The following INSYN2B variants were observed in gnomAD, a reference collection of about 807,000 sequenced individuals.
The protein encoded by INSYN2B is protein INSYN2B.
Under a neutral mutation model 41.2 loss-of-function variants are expected in INSYN2B, and 16 were observed. That is an observed-to-expected ratio of 0.39 (90% CI 0.26 to 0.59). The LOEUF is 0.59. Ranked by LOEUF, INSYN2B falls within the 20% of genes least tolerant of loss-of-function variation. The pLI, the probability that INSYN2B is intolerant of heterozygous loss-of-function variation, is 0.57. For synonymous variants in INSYN2B, 245 were observed against 244.4 expected (o/e 1.00, Z -0.02); for missense variants, 608 against 646.4 (o/e 0.94, Z 0.64).
intron 1 of INSYN2B, among the ~76,000 whole-genome samples, chr5:169,972,368 G>T (rs1485988248): frequency 6.6e-6 from 1 of 152,108 alleles, no homozygotes; most frequent in Non-Finnish European, 1.5e-5. Context: ...CTTGGGGCTG[G>T]ATCATTTTCT....
intron 1 of INSYN2B, among the ~76,000 whole-genome samples, chr5:169,921,746 G>T (rs1294541619): frequency 6.6e-6 from 1 of 152,224 alleles, no homozygotes; most frequent in Non-Finnish European, 1.5e-5. Flanking sequence ...GCTTTCTTGA[G>T]GATTAGGGCC....
At chr5:169,888,190 T>C (rs1314477093) in intron 1 of INSYN2B, among the ~76,000 whole-genome samples, 1 of 152,234 alleles carries the variant, frequency 6.6e-6, no homozygotes, top group African/African-American at 2.4e-5. Context: ...ATGTCCACCA[T>C]GACCCTTGCA....
chr5:169,896,008 G>T (rs1457956009), intron 1 of INSYN2B, among the ~76,000 whole-genome samples: 3 of 152,174 alleles, frequency 2.0e-5, no homozygotes, highest in Admixed American at 2.0e-4. Flanking sequence ...TCTCAAGCCT[G>T]GCCTTGGCCA....
At chr5:169,921,155 T>G (rs1775153621) in intron 1 of INSYN2B, among the ~76,000 whole-genome samples, 1 of 152,196 alleles carries the variant, frequency 6.6e-6, no homozygotes, top group Non-Finnish European at 1.5e-5. Flanking sequence ...AATGTTAGCC[T>G]GGAAAAGTGT....
At chr5:169,876,592 C>G (rs1322689232) in intron 3 of INSYN2B, among the ~76,000 whole-genome samples, 2 of 152,228 alleles carry the variant, frequency 1.3e-5, no homozygotes, top group Non-Finnish European at 2.9e-5. Context: ...GCAGCAAGCT[C>G]TCTGAGTCAT....
intron 1 of INSYN2B, among the ~76,000 whole-genome samples, chr5:169,912,148 G>A (rs1290962429): frequency 3.3e-5 from 5 of 152,160 alleles, no homozygotes; most frequent in Non-Finnish European, 7.3e-5. Flanking sequence ...AAAGGAAAGC[G>A]ACTATTATTT....
intron 1 of INSYN2B, among the ~76,000 whole-genome samples, chr5:169,929,702 A>G (rs981966348): frequency 7.4e-5 from 11 of 149,134 alleles, no homozygotes; most frequent in Non-Finnish European, 1.6e-4. Context: ...AGAGGGGATC[A>G]CTGCACTCCA....
chr5:169,944,126 G>A (rs933390713), intron 1 of INSYN2B, among the ~76,000 whole-genome samples: 3 of 152,168 alleles, frequency 2.0e-5, no homozygotes, highest in Admixed American at 2.0e-4. Context: ...CTCCCTTTGA[G>A]GACTGATTTT....
chr5:169,894,663 C>CA lies in INSYN2B; in HGVS notation c.-918-9848dup, dbSNP rs1363587892. ...ATGACTGCAGTGCCATTAAAGAGCCCACTCTTCATTTCTGAGATGAGTAAA... is the reference window on the plus strand; with the variant it reads ...ATGACTGCAGTGCCATTAAAGAGCCCAACTCTTCATTTCTGAGATGAGTAAA... On this transcript the variant is annotated intron_variant, in intron 1 of 3. Transcript: ENST00000377365. Among the ~76,000 whole-genome samples, 4 of 152,162 alleles carry CA rather than the reference C, an allele frequency of 2.6e-5. No homozygotes were observed. The East Asian group carries it at 5.8e-4, about 22-fold the overall frequency.
intron 1 of INSYN2B, among the ~76,000 whole-genome samples, chr5:169,938,348 C>T (rs1234231732): frequency 6.6e-6 from 1 of 151,924 alleles, no homozygotes; most frequent in East Asian, 1.9e-4. Context: ...GCAATTTTCT[C>T]ATTGTGTGAA....
At chr5:169,906,983 C>T (rs985404760) in intron 1 of INSYN2B, among the ~76,000 whole-genome samples, 3 of 152,144 alleles carry the variant, frequency 2.0e-5, no homozygotes, top group Non-Finnish European at 4.4e-5. Context: ...CAGGCACTGT[C>T]CTAGGGACTG....
rs564778531 is a variant in INSYN2B at position 169,923,511 on chromosome 5, A to T, written c.-918-38695T>A. On this transcript the variant is annotated intron_variant, in intron 1 of 3. Coordinates refer to ENST00000377365, the MANE Select transcript of INSYN2B (RefSeq NM_001129891.3). ...CACACACACACACACACACACACAC[A>T]CTCTTTGCAGGGGAATTTTGAGCCA... 3.7e-4 allele frequency among the ~76,000 whole-genome samples: 53 copies of T among 142,288 alleles called. No homozygotes were observed. In the South Asian group the frequency reaches 0.012, roughly 32 times the overall value. The allele number at this position is 142,288 out of a possible 152,430, so 93.3% of individuals were successfully genotyped here. A position where few individuals can be genotyped will look rare whatever the true frequency, so the allele number is the denominator to read the frequency against.
intron 1 of INSYN2B, among the ~76,000 whole-genome samples, chr5:169,957,741 T>A (rs1776925770): frequency 6.6e-6 from 1 of 152,200 alleles, no homozygotes; most frequent in South Asian, 2.1e-4. Context: ...CCTTTGATTG[T>A]CTCAGGTTCC....
chr5:169,907,736 T>A (rs1237681827), intron 1 of INSYN2B, among the ~76,000 whole-genome samples: 1 of 152,170 alleles, frequency 6.6e-6, no homozygotes, highest in Non-Finnish European at 1.5e-5. Flanking sequence ...TCTAGAGCAG[T>A]GGTTTTCAAC....
chr5:169,940,694 G>T (rs1776205967), intron 1 of INSYN2B, among the ~76,000 whole-genome samples: 1 of 152,168 alleles, frequency 6.6e-6, no homozygotes, highest in South Asian at 2.1e-4. Context: ...GCTTCTGTGA[G>T]AATCTAATCC....
At chr5:169,930,580 A>G (rs764264662) in intron 1 of INSYN2B, among the ~76,000 whole-genome samples, 1 of 152,258 alleles carries the variant, frequency 6.6e-6, no homozygotes, top group Non-Finnish European at 1.5e-5. Flanking sequence ...AAAGTCCTTT[A>G]AAAATGAATG....
chr5:169,956,568 C>G (rs1240903064), intron 1 of INSYN2B, among the ~76,000 whole-genome samples: 1 of 152,138 alleles, frequency 6.6e-6, no homozygotes, highest in Non-Finnish European at 1.5e-5. Context: ...CTTTTAGAAG[C>G]CTTAAGATGC....
intron 1 of INSYN2B, among the ~76,000 whole-genome samples, chr5:169,939,771 T>C (rs150476821): frequency 0.012 from 1,891 of 152,302 alleles, 35 homozygotes; most frequent in Non-Finnish European, 0.018. Flanking sequence ...AACTCAGCTC[T>C]ATATTAAGGT....
intron 1 of INSYN2B, among the ~76,000 whole-genome samples, chr5:169,944,662 G>A (rs1776375353): frequency 6.6e-6 from 1 of 152,194 alleles, no homozygotes; most frequent in African/African-American, 2.4e-5. Context: ...CAATGATTGG[G>A]AGCAAACAGG....
Sources: allele counts gnomAD v4.1 joint callset (sites outside exome capture counted in the v4.1 genomes callset), GRCh38; gene constraint gnomAD v4.1.1; transcripts MANE v1.5; gene names NCBI Gene and HGNC (gene_info 2026-07-23, HGNC 2026-07-21).